Variants in DNER observed in about 807,000 individuals in gnomAD.
DNER encodes delta/notch like EGF repeat containing, also known as delta and Notch-like epidermal growth factor-related receptor.
Under a neutral mutation model 78.2 loss-of-function variants are expected in DNER, and 33 were observed. The observed-to-expected ratio is 0.42, with a 90% confidence interval of 0.32 to 0.56. The LOEUF (loss-of-function observed/expected upper bound fraction) is 0.56. Among genes scored for constraint, DNER ranks in the 20% least tolerant of loss-of-function variants. DNER has a pLI of 0.11. For synonymous variants in DNER, 417 were observed against 384.8 expected (o/e 1.08, Z -0.98); for missense variants, 918 against 975.3 (o/e 0.94, Z 0.78).
At chr2:229,363,626 C>T (rs1692264970) in intron 12 of DNER, among the ~76,000 whole-genome samples, 3 of 152,168 alleles carry the variant, frequency 2.0e-5, no homozygotes, top group South Asian at 2.1e-4. Flanking sequence ...TTAGGAATTC[C>T]GCAGTAAATA....
chr2:229,422,477 C>A (rs1453885999), intron 8 of DNER, among the ~76,000 whole-genome samples: 3 of 152,130 alleles, frequency 2.0e-5, no homozygotes, highest in African/African-American at 7.2e-5. Context: ...CGGGGCACAG[C>A]AACCAACCAG....
intron 1 of DNER, among the ~76,000 whole-genome samples, chr2:229,689,817 C>T (rs993351959): frequency 1.3e-5 from 2 of 152,254 alleles, no homozygotes; most frequent in East Asian, 1.9e-4. Flanking sequence ...AATTAAGTTT[C>T]GAAAAAGGTG....
chr2:229,596,161 G>A (rs1372430959), intron 1 of DNER, among the ~76,000 whole-genome samples: 1 of 152,110 alleles, frequency 6.6e-6, no homozygotes, highest in Admixed American at 6.5e-5. Flanking sequence ...GGGAGCTGCT[G>A]GATAAACATT....
intron 10 of DNER, among the ~76,000 whole-genome samples, chr2:229,400,002 T>C (rs1693234221): frequency 6.6e-6 from 1 of 151,896 alleles, no homozygotes; most frequent in Non-Finnish European, 1.5e-5. Flanking sequence ...GCAAAATAAG[T>C]GGTACATAAA....
chr2:229,571,169 GT>G (rs1409324418), intron 4 of DNER, among the ~76,000 whole-genome samples: 4 of 152,064 alleles, frequency 2.6e-5, no homozygotes, highest in African/African-American at 9.7e-5. Context: ...ATCTGTTGAA[GT>G]TTGAGCCCGA....
At chr2:229,691,859 C>T (rs1699579272) in intron 1 of DNER, among the ~76,000 whole-genome samples, 2 of 152,182 alleles carry the variant, frequency 1.3e-5, no homozygotes, top group Admixed American at 6.5e-5. Flanking sequence ...TTCAGAGATG[C>T]ACACGTGACC....
intron 7 of DNER, among the ~76,000 whole-genome samples, chr2:229,475,378 C>G (rs1252424113): frequency 6.6e-6 from 1 of 152,238 alleles, no homozygotes; most frequent in East Asian, 1.9e-4. Context: ...TTCTCATCCT[C>G]TTAGCTCAGT....
intron 9 of DNER, among the ~76,000 whole-genome samples, chr2:229,417,659 C>T (rs1460176727): frequency 6.6e-6 from 1 of 152,030 alleles, no homozygotes; most frequent in African/African-American, 2.4e-5. Flanking sequence ...TCAATGTCGC[C>T]TGTTTTTAAT....
rs531975837 is a variant in DNER, at chr2:229,438,066, T to C, written c.1486+9250A>G. On this transcript the variant is annotated intron_variant, in intron 8 of 12. Transcript: ENST00000341772. ...GCAGGCATCAAATCAAATAAAATCA[T>C]AAGCTTCAGTCACAGGTAGTTCTCA... Among the ~76,000 whole-genome samples the C allele has an allele frequency of 3.3e-5, 5 of 152,324 alleles. No individual in the cohort carries two copies. In the East Asian group the frequency reaches 9.6e-4, roughly 29 times the overall value.
intron 1 of DNER, among the ~76,000 whole-genome samples, chr2:229,636,741 C>T (rs2154215905): frequency 6.6e-6 from 1 of 152,232 alleles, no homozygotes; most frequent in Admixed American, 6.5e-5. Flanking sequence ...CTACATTTAC[C>T]AGACTCCTTT....
At chr2:229,621,864 T>C (rs1415909772) in intron 1 of DNER, among the ~76,000 whole-genome samples, 1 of 152,056 alleles carries the variant, frequency 6.6e-6, no homozygotes, top group Non-Finnish European at 1.5e-5. Context: ...GGCGGGCGGA[T>C]CATGAGGTCA....
At chr2:229,586,420 A>G (rs1436682934) in intron 3 of DNER, among the ~76,000 whole-genome samples, 2 of 131,078 alleles carry the variant, frequency 1.5e-5, no homozygotes, top group Admixed American at 8.4e-5. Context: ...ACCTTTCCCC[A>G]ACACCCCCCA....
At chr2:229,586,126 T>G (rs1697490963) in intron 3 of DNER, 102 bp from the exon 4 acceptor site, 1 of 1,357,820 alleles carries the variant, frequency 7.4e-7, no homozygotes, top group African/African-American at 1.5e-5. Flanking sequence ...TATGTGCATC[T>G]ACCAAGGTAC....
intron 6 of DNER, 152 bp downstream of exon 6, chr2:229,512,631 A>G (rs1266960346): frequency 2.0e-6 from 2 of 1,019,796 alleles, no homozygotes; most frequent in African/African-American, 1.6e-5. Flanking sequence ...TACTTGGGTG[A>G]TGAGTGCACC....
intron 5 of DNER, among the ~76,000 whole-genome samples, chr2:229,542,144 T>C (rs1409832581): frequency 2.0e-5 from 3 of 151,988 alleles, no homozygotes; most frequent in African/African-American, 7.3e-5. Context: ...GCTGATGCCC[T>C]GACACTCACC....
intron 7 of DNER, among the ~76,000 whole-genome samples, chr2:229,475,211 C>T (rs1434700631): frequency 1.3e-5 from 2 of 152,306 alleles, no homozygotes; most frequent in Middle Eastern, 3.4e-3. Flanking sequence ...GGTATAAAAT[C>T]ACATGCCCAT....
intron 7 of DNER, among the ~76,000 whole-genome samples, chr2:229,465,668 C>G (rs1029017632): frequency 6.6e-6 from 1 of 152,108 alleles, no homozygotes; most frequent in African/African-American, 2.4e-5. Flanking sequence ...AACAAGATCA[C>G]TTAGTGATTT....
chr2:229,478,651 TG>T (rs1031586119), intron 6 of DNER, among the ~76,000 whole-genome samples: 1 of 152,212 alleles, frequency 6.6e-6, no homozygotes, highest in African/African-American at 2.4e-5. Context: ...AATAACTTTT[TG>T]GCTAAAAATA....
At chr2:229,693,210 C>A (rs1204373676) in intron 1 of DNER, among the ~76,000 whole-genome samples, 2 of 151,650 alleles carry the variant, frequency 1.3e-5, no homozygotes, top group Non-Finnish European at 2.9e-5. Context: ...CCCCCTTCTG[C>A]TTGACATTTC....
Sources: allele counts gnomAD v4.1 joint callset (sites outside exome capture counted in the v4.1 genomes callset), GRCh38; gene constraint gnomAD v4.1.1; transcripts MANE v1.5; gene names NCBI Gene and HGNC (gene_info 2026-07-23, HGNC 2026-07-21).